Variants in SNX29 observed in about 807,000 individuals in gnomAD.
The protein encoded by SNX29 is sorting nexin-29.
A neutral mutation model predicts 102.1 loss-of-function variants in SNX29; 78 were observed. The observed-to-expected ratio is 0.76, with a 90% confidence interval of 0.64 to 0.92. The LOEUF is 0.92. Among genes scored for constraint, SNX29 ranks in the 40% least tolerant of loss-of-function variants. SNX29 has a pLI of 0.00. For synonymous variants in SNX29, 580 were observed against 414.5 expected (o/e 1.40, Z -4.85); for missense variants, 1,280 against 1,061.7 (o/e 1.21, Z -2.86).
In SNX29 at chr16:12,366,823, C is replaced by G. The variant is rs764038905; in HGVS notation, c.1899+10544C>G. Among the ~76,000 whole-genome samples, 90 of 151,794 alleles carry G rather than the reference C, an allele frequency of 5.9e-4. 1 individual carries two copies. Among genetic ancestry groups the G allele is most frequent in the Admixed American group, 4.7e-3 (72 of 15,232 alleles). On this transcript the variant is annotated intron_variant, in intron 16 of 20. Transcript: ENST00000566228. ...CTTTTGTTTCTCTCTCTGCTCCTTTCTTTGTCTCTGCCTCTGTCTCTCTCT... is the reference window on the plus strand; with the variant it reads ...CTTTTGTTTCTCTCTCTGCTCCTTTGTTTGTCTCTGCCTCTGTCTCTCTCT...
intron 15 of SNX29, among the ~76,000 whole-genome samples, chr16:12,350,396 A>G (rs2081960330): frequency 6.6e-6 from 1 of 152,274 alleles, no homozygotes; most frequent in African/African-American, 2.4e-5. Flanking sequence ...ATACAGGAGG[A>G]GGTGTGTAGG....
chr16:12,565,823 T>TCAC (rs2078979473), intron 20 of SNX29, among the ~76,000 whole-genome samples: 2 of 152,126 alleles, frequency 1.3e-5, no homozygotes, highest in African/African-American at 4.8e-5. Context: ...TCACTTCTGG[T>TCAC]CACCCTCCAC....
intron 17 of SNX29, among the ~76,000 whole-genome samples, chr16:12,402,980 A>G (rs949323628): frequency 2.0e-5 from 3 of 152,186 alleles, no homozygotes; most frequent in Non-Finnish European, 4.4e-5. Context: ...GCTCAGGGTC[A>G]GGGTCTAAAG....
intron 20 of SNX29, among the ~76,000 whole-genome samples, chr16:12,538,289 ATTTTTGT>A (rs1450774679): frequency 6.6e-6 from 1 of 151,802 alleles, no homozygotes; most frequent in East Asian, 1.9e-4. Flanking sequence ...CTAATTTTGT[ATTTTTGT>A]TTTTTAGTAG....
rs193205827 is a variant in SNX29, at chr16:12,324,007, A to G, written c.1783-32156A>G. Among the ~76,000 whole-genome samples the G allele has an allele frequency of 2.4e-3, 368 of 151,602 alleles. 1 individual carries two copies. The highest frequency in any genetic ancestry group is 8.8e-3 in the African/African-American group (361 of 40,904). On this transcript the variant is annotated intron_variant, in intron 15 of 20. Transcript: ENST00000566228. ...GTGATCAAACTGATCCTAGAGAAGA[A>G]TATGACGTACTCCCTCAATTTATCC... is the stretch of plus-strand genomic sequence containing the variant.
intron 4 of SNX29, among the ~76,000 whole-genome samples, chr16:12,040,874 C>T (rs200810676): frequency 5.9e-5 from 9 of 152,156 alleles, no homozygotes; most frequent in South Asian, 2.1e-4. Flanking sequence ...AGTGTTGTGG[C>T]GTGATCTCGG....
intron 18 of SNX29, among the ~76,000 whole-genome samples, chr16:12,417,480 G>A (rs1483518766): frequency 6.6e-6 from 1 of 152,146 alleles, no homozygotes; most frequent in Non-Finnish European, 1.5e-5. Flanking sequence ...GGGGGTGGGT[G>A]GTTCTCCTTT....
At chr16:12,550,252 A>G (rs1366709290) in intron 20 of SNX29, among the ~76,000 whole-genome samples, 2 of 152,140 alleles carry the variant, frequency 1.3e-5, no homozygotes, top group African/African-American at 4.8e-5. Flanking sequence ...AATAGCAAAT[A>G]TGGGCCAGAC....
At chr16:12,094,613 C>T (rs2052693808) in intron 11 of SNX29, among the ~76,000 whole-genome samples, 1 of 152,082 alleles carries the variant, frequency 6.6e-6, no homozygotes, top group Non-Finnish European at 1.5e-5. Flanking sequence ...TGATTGCAAC[C>T]CCCAGGGGAC....
intron 15 of SNX29, among the ~76,000 whole-genome samples, chr16:12,287,424 A>G (rs58057419): frequency 0.032 from 4,814 of 152,236 alleles, 245 homozygotes; most frequent in African/African-American, 0.11. Flanking sequence ...AAAAGAGCAT[A>G]AAGAACTTCC....
intron 20 of SNX29, among the ~76,000 whole-genome samples, chr16:12,554,765 C>G (rs536838803): frequency 9.2e-5 from 14 of 152,174 alleles, no homozygotes; most frequent in African/African-American, 1.4e-4. Context: ...AGAACGTGCT[C>G]TCTCCCCCGC....
chr16:12,461,593 C>T (rs147401524), intron 18 of SNX29, among the ~76,000 whole-genome samples: 3 of 152,104 alleles, frequency 2.0e-5, no homozygotes, highest in African/African-American at 4.8e-5. Flanking sequence ...AATTCTGCTT[C>T]GGGTTGGAAA....
chr16:12,481,003 C>A (rs995321331), intron 19 of SNX29, among the ~76,000 whole-genome samples: 4 of 152,182 alleles, frequency 2.6e-5, no homozygotes, highest in African/African-American at 9.7e-5. Context: ...TGCTCTCCAC[C>A]CTCATCCCCA....
rs2079119583 is a variant in SNX29, at chr16:12,568,757, C to T, written c.*128C>T. On this transcript the variant is annotated 3_prime_UTR_variant, in exon 21 of 21. Transcript: ENST00000566228. Reference sequence around the variant, plus strand: ...TGGTGATCCTGAGAGCACACGATTCCCAACAGTTACACAACACCCCGATTA... The same window carrying T: ...TGGTGATCCTGAGAGCACACGATTCTCAACAGTTACACAACACCCCGATTA... The T allele has an allele frequency of 2.2e-6, 3 of 1,363,454 alleles. No individual in the cohort carries two copies. The highest frequency in any genetic ancestry group is 1.4e-5 in the South Asian group (1 of 70,030). 84.5% of individuals were successfully genotyped at this position (1,363,454 alleles called of 1,614,324 possible). A position where few individuals can be genotyped will look rare whatever the true frequency, so the allele number is the denominator to read the frequency against.
chr16:12,090,761 A>ATACCT (rs2052485827), intron 11 of SNX29, among the ~76,000 whole-genome samples: 1 of 152,146 alleles, frequency 6.6e-6, no homozygotes, highest in Non-Finnish European at 1.5e-5. Context: ...CTGTAATCCC[A>ATACCT]GCACTTTGGG....
At chr16:12,145,974 T>G (rs1453963072) in intron 13 of SNX29, among the ~76,000 whole-genome samples, 2 of 152,266 alleles carry the variant, frequency 1.3e-5, no homozygotes, top group Admixed American at 1.3e-4. Context: ...TAAGCATGTT[T>G]GTAAAGGCTC....
At chr16:12,006,206 A>AAATAGT (rs1555516814) in intron 3 of SNX29, among the ~76,000 whole-genome samples, 3 of 146,662 alleles carry the variant, frequency 2.0e-5, no homozygotes, top group Non-Finnish European at 4.5e-5. Flanking sequence ...CCTGTCTCTA[A>AAATAGT]AATAATAATA....
chr16:12,162,620 A>G (rs1172290471), intron 13 of SNX29, among the ~76,000 whole-genome samples: 2 of 152,254 alleles, frequency 1.3e-5, no homozygotes, highest in African/African-American at 2.4e-5. Flanking sequence ...TTAAGAAGCC[A>G]CAAAAAATAC....
At chr16:12,510,286 G>A (rs1465456095) in intron 19 of SNX29, among the ~76,000 whole-genome samples, 1 of 152,220 alleles carries the variant, frequency 6.6e-6, no homozygotes, top group Non-Finnish European at 1.5e-5. Context: ...TGTGTGCCTT[G>A]TGCTGAAGAT....
Sources: gnomAD v4.1 joint callset for allele counts (sites outside exome capture counted in the v4.1 genomes callset) on GRCh38, gnomAD v4.1.1 for gene constraint, MANE v1.5 for transcripts, NCBI Gene and HGNC (gene_info 2026-07-23, HGNC 2026-07-21) for gene names.